ZSCAN4: variants seen among roughly 807,000 people sequenced by gnomAD.
ZSCAN4 encodes zinc finger and SCAN domain-containing protein 4.
In ZSCAN4, 18 loss-of-function variants were observed where a neutral mutation model predicts 18.3. That is an observed-to-expected ratio of 0.98 (90% CI 0.68 to 1.46). The LOEUF (loss-of-function observed/expected upper bound fraction) is 1.46, where lower values mean the gene tolerates loss of function less well. Ranked by LOEUF, ZSCAN4 falls within the 40% of genes most tolerant of loss-of-function variation. ZSCAN4 has a pLI of 0.00. For missense variants in ZSCAN4, 498 were observed against 511.4 expected, an observed-to-expected ratio of 0.97 and a Z score of 0.25; for synonymous variants, 193 against 180.3, an observed-to-expected ratio of 1.07 and a Z score of -0.57.
chr19:57,671,293 G>T (rs1339541457), intron 2 of ZSCAN4, among the ~76,000 whole-genome samples: 3 of 152,136 alleles, frequency 2.0e-5, no homozygotes, highest in Non-Finnish European at 4.4e-5. Flanking sequence ...CCAGACTCCA[G>T]ATTAGAGCTC....
chr19:57,667,413 G>A (rs979181822), upstream of ZSCAN4, among the ~76,000 whole-genome samples: 4 of 152,114 alleles, frequency 2.6e-5, no homozygotes, highest in African/African-American at 9.7e-5. Context: ...CCACTTACAG[G>A]CTATGTAGCA....
Position 57,678,654 on chromosome 19 carries a change from C to T in ZSCAN4, c.1051C>T (p.Gln351Ter). The change falls in exon 5 of 5, where the codon CAG (glutamine) becomes TAG (stop). Residue 351 changes from glutamine (Q) to a stop codon, truncating the protein, a stop_gained. Coordinates refer to ENST00000318203, the Ensembl canonical transcript of ZSCAN4. LOFTEE classifies it low-confidence loss of function (END_TRUNC). ...TCCCGAGTGTCAAAAAGGCTTCTTC[C>T]AGATATCAGACCTACGGGTGCATCA... The T allele has an allele frequency of 6.2e-7, 1 of 1,614,096 alleles. No homozygotes were observed. Among genetic ancestry groups the T allele is most frequent in the Non-Finnish European group, 8.5e-7 (1 of 1,180,038 alleles).
At chr19:57,660,008 G>T in the ZSCAN4 span, among the ~76,000 whole-genome samples, 1 of 152,166 alleles carries the variant, frequency 6.6e-6, no homozygotes. Context: ...TACAGGTGAA[G>T]TGATAACCAC....
upstream of ZSCAN4, among the ~76,000 whole-genome samples, chr19:57,666,349 T>G (rs1054924391): frequency 6.6e-6 from 1 of 152,122 alleles, no homozygotes; most frequent in South Asian, 2.1e-4. Context: ...TTTCCTTCTC[T>G]TTACGACTGT....
chr19:57,676,502 A>G, exon 3 of ZSCAN4: 1 of 1,614,162 alleles, frequency 6.2e-7, no homozygotes. Flanking sequence ...AGAGATTCAT[A>G]GAAGACCTGA....
At chr19:57,661,930 A>G in the ZSCAN4 span, among the ~76,000 whole-genome samples, 19 of 152,106 alleles carry the variant, frequency 1.2e-4, 1 homozygote, top group Non-Finnish European at 4.4e-5. Context: ...AAAATAAAAA[A>G]ATTAGCTGGA....
At chr19:57,654,968 C>A in the ZSCAN4 span, among the ~76,000 whole-genome samples, 1 of 152,134 alleles carries the variant, frequency 6.6e-6, no homozygotes, top group African/African-American at 2.4e-5. Flanking sequence ...TCTCTGTAGC[C>A]CCTCCCTTAA....
chr19:57,658,279 A>G, the ZSCAN4 span, among the ~76,000 whole-genome samples: 43 of 152,196 alleles, frequency 2.8e-4, 1 homozygote, highest in Non-Finnish European at 5.4e-4. Context: ...AAATGGTAAA[A>G]CTCAAGTGGC....
At chr19:57,655,641 TCTTA>T in the ZSCAN4 span, among the ~76,000 whole-genome samples, 41 of 152,258 alleles carry the variant, frequency 2.7e-4, no homozygotes, top group African/African-American at 9.6e-4. Flanking sequence ...CCTCCTGCTA[TCTTA>T]CTTACAACAA....
At chr19:57,676,123 C>G (rs758387535) in exon 3 of ZSCAN4, 2 of 1,577,124 alleles carry the variant, frequency 1.3e-6, no homozygotes, top group South Asian at 2.3e-5. Context: ...AAAGTAAAGT[C>G]TCTCTGAGAA....
At chr19:57,661,954 G>A in the ZSCAN4 span, among the ~76,000 whole-genome samples, 1,252 of 152,036 alleles carry the variant, frequency 8.2e-3, 12 homozygotes, top group African/African-American at 0.028. Flanking sequence ...GGTGGTGCAC[G>A]CCTGTAGTCC....
chr19:57,660,252 A>G, the ZSCAN4 span, among the ~76,000 whole-genome samples: 1 of 132,792 alleles, frequency 7.5e-6, no homozygotes, highest in South Asian at 2.2e-4. Flanking sequence ...GAGTTTATAT[A>G]GCAGGAAGGT....
upstream of ZSCAN4, chr19:57,664,435 G>A (rs567611243): frequency 3.3e-5 from 5 of 152,394 alleles, no homozygotes; most frequent in East Asian, 9.8e-4. Context: ...GGAATCCTTG[G>A]TGTTCCCGCC....
the ZSCAN4 span, among the ~76,000 whole-genome samples, chr19:57,663,370 A>G: frequency 1.3e-5 from 2 of 151,486 alleles, no homozygotes. Context: ...CCATTAAGAT[A>G]ATGGTAGACC....
intron 2 of ZSCAN4, among the ~76,000 whole-genome samples, chr19:57,674,488 G>T (rs1234179417): frequency 6.6e-6 from 1 of 152,174 alleles, no homozygotes; most frequent in East Asian, 1.9e-4. Context: ...CTATGTTGCT[G>T]CAAAGGACTA....
At chr19:57,664,629 G>A (rs946170415), upstream of ZSCAN4, 19 of 190,832 alleles carry the variant, frequency 1.0e-4, no homozygotes, top group Admixed American at 8.8e-4. Flanking sequence ...GGGCTGGCAG[G>A]CGGCCCGGAT....
chr19:57,668,823 C>T (rs958399148), upstream of ZSCAN4: 4 of 152,150 alleles, frequency 2.6e-5, no homozygotes, highest in African/African-American at 9.7e-5. Context: ...AGTCTCAACC[C>T]CTGTCATCTT....
At chr19:57,652,777 C>T in the ZSCAN4 span, among the ~76,000 whole-genome samples, 1 of 152,234 alleles carries the variant, frequency 6.6e-6, no homozygotes, top group Non-Finnish European at 1.5e-5. Context: ...TCCATGTTCC[C>T]TTTTCCCTAG....
rs1044028492 is a variant in ZSCAN4 at position 57,676,196 on chromosome 19, T to C, written c.51T>C (p.Asn17=). The C allele has an allele frequency of 4.3e-6, 7 of 1,614,026 alleles. No homozygotes were observed. The African/African-American group carries it at 9.3e-5, about 22-fold the overall frequency. ...TTCAGTGTGAACCATCCGAGAATAA[T>C]CTTGGATCAGAAAATTCAGCGTTTC... Residue 17 remains asparagine (N), a synonymous_variant, in exon 3 of 5, where the codon AAT becomes AAC. Coordinates refer to ENST00000318203, the Ensembl canonical transcript of ZSCAN4.
Sources: allele counts gnomAD v4.1 joint callset (sites outside exome capture counted in the v4.1 genomes callset), GRCh38; gene constraint gnomAD v4.1.1; transcripts MANE v1.5; gene names NCBI Gene and HGNC (gene_info 2026-07-23, HGNC 2026-07-21).